The following BABAM2 variants were observed in gnomAD, a reference collection of about 807,000 sequenced individuals.
BABAM2 encodes BRISC and BRCA1-A complex member 2.
BABAM2 carries 31 observed loss-of-function variants against 54.7 expected under a neutral mutation model. That is an observed-to-expected ratio of 0.57 (90% CI 0.43 to 0.77). The LOEUF (loss-of-function observed/expected upper bound fraction) is 0.77, where lower values mean the gene tolerates loss of function less well. Among genes scored for constraint, BABAM2 ranks in the 30% least tolerant of loss-of-function variants. BABAM2 has a pLI of 0.00. For synonymous variants in BABAM2, 167 were observed against 162.9 expected (o/e 1.03, Z -0.19); for missense variants, 364 against 455.8 (o/e 0.80, Z 1.83).
chr2:28,283,848 C>A (rs915181474), intron 10 of BABAM2, among the ~76,000 whole-genome samples: 1 of 152,060 alleles, frequency 6.6e-6, no homozygotes, highest in African/African-American at 2.4e-5. Flanking sequence ...ATGTAAGGTC[C>A]ATTTTATAGA....
At chr2:27,945,085 C>T (rs567709773) in intron 3 of BABAM2, among the ~76,000 whole-genome samples, 1 of 151,910 alleles carries the variant, frequency 6.6e-6, no homozygotes, top group Non-Finnish European at 1.5e-5. Flanking sequence ...TCATAGCAAT[C>T]ATAGCTCACT....
At chr2:28,220,998 C>T (rs1035179710) in intron 7 of BABAM2, among the ~76,000 whole-genome samples, 11 of 152,136 alleles carry the variant, frequency 7.2e-5, no homozygotes, top group Admixed American at 7.2e-4. Context: ...AAGATGATCT[C>T]GTCGATTCCC....
chr2:28,272,786 C>T (rs955941172), intron 10 of BABAM2, among the ~76,000 whole-genome samples: 3 of 152,058 alleles, frequency 2.0e-5, no homozygotes, highest in Admixed American at 6.6e-5. Flanking sequence ...TAGGGACTTC[C>T]GAGGGTTCTG....
At chr2:28,316,030 T>C (rs1183885250) in intron 11 of BABAM2, among the ~76,000 whole-genome samples, 2 of 152,174 alleles carry the variant, frequency 1.3e-5, no homozygotes, top group South Asian at 2.1e-4. Flanking sequence ...AGAGTTAGGA[T>C]TGCCAGATTT....
intron 8 of BABAM2, among the ~76,000 whole-genome samples, chr2:28,240,109 CTT>C (rs545871952): frequency 2.8e-5 from 4 of 142,880 alleles, no homozygotes; most frequent in African/African-American, 2.6e-5. Context: ...TTTCTTTTTT[CTT>C]TTTTTTTTTT....
chr2:28,302,746 A>G (rs1173837832), intron 11 of BABAM2, among the ~76,000 whole-genome samples: 2 of 152,120 alleles, frequency 1.3e-5, no homozygotes, highest in Non-Finnish European at 2.9e-5. Flanking sequence ...AACACATCCT[A>G]TTGTCAGTCT....
At chr2:27,933,743 G>A (rs914766396) in intron 3 of BABAM2, among the ~76,000 whole-genome samples, 2 of 149,738 alleles carry the variant, frequency 1.3e-5, no homozygotes, top group African/African-American at 2.5e-5. Context: ...GATTACAGGC[G>A]TGAGCCACTA....
intron 3 of BABAM2, among the ~76,000 whole-genome samples, chr2:27,938,451 G>C (rs2148373675): frequency 6.6e-6 from 1 of 151,998 alleles, no homozygotes; most frequent in African/African-American, 2.4e-5. Context: ...GAATGCAGTG[G>C]CACGGTCTCG....
At chr2:28,158,635 C>T (rs141874849) in intron 7 of BABAM2, among the ~76,000 whole-genome samples, 1 of 152,346 alleles carries the variant, frequency 6.6e-6, no homozygotes, top group East Asian at 1.9e-4. Context: ...TGCTGTTTGT[C>T]TCTTTCATTG....
chr2:28,223,024 T>C (rs1292915855), intron 7 of BABAM2, among the ~76,000 whole-genome samples: 1 of 152,228 alleles, frequency 6.6e-6, no homozygotes, highest in Non-Finnish European at 1.5e-5. Context: ...GTATTTAAAT[T>C]AGTGGATATT....
intron 1 of BABAM2, among the ~76,000 whole-genome samples, chr2:27,891,841 CACG>C (rs1664877508): frequency 1.3e-5 from 2 of 152,092 alleles, no homozygotes; most frequent in African/African-American, 4.8e-5. Context: ...ATCCTAAAGT[CACG>C]ACCGTTGCTG....
At chr2:27,931,177 A>G (rs1166421354) in intron 3 of BABAM2, among the ~76,000 whole-genome samples, 1 of 152,212 alleles carries the variant, frequency 6.6e-6, no homozygotes, top group Non-Finnish European at 1.5e-5. Context: ...ATATAAAATA[A>G]TTTTACCTGT....
intron 7 of BABAM2, among the ~76,000 whole-genome samples, chr2:28,165,791 C>G (rs1673609659): frequency 6.6e-6 from 1 of 152,058 alleles, no homozygotes; most frequent in South Asian, 2.1e-4. Context: ...CCACCTCAGC[C>G]TCCCATAATG....
intron 6 of BABAM2, among the ~76,000 whole-genome samples, chr2:28,106,567 ATCCATT>A (rs1667544506): frequency 6.6e-6 from 1 of 152,204 alleles, no homozygotes; most frequent in Non-Finnish European, 1.5e-5. Context: ...TCATGATTAG[ATCCATT>A]TATGCATCTG....
chr2:28,251,998 C>T (rs1033232386), intron 10 of BABAM2, among the ~76,000 whole-genome samples: 5 of 151,904 alleles, frequency 3.3e-5, no homozygotes, highest in Non-Finnish European at 7.4e-5. Context: ...CGAGATCAGC[C>T]GAAACATGGT....
At chr2:28,174,510 C>T (rs1399995705) in intron 7 of BABAM2, among the ~76,000 whole-genome samples, 1 of 152,170 alleles carries the variant, frequency 6.6e-6, no homozygotes, top group Non-Finnish European at 1.5e-5. Context: ...GCAGGAAACA[C>T]CCAAGGCAAG....
At chr2:27,904,684 A>G (rs990238224) in intron 2 of BABAM2, among the ~76,000 whole-genome samples, 1 of 152,236 alleles carries the variant, frequency 6.6e-6, no homozygotes, top group Admixed American at 6.5e-5. Context: ...TAATATCCTT[A>G]TAAAAATAAG....
chr2:27,934,201 T>C (rs1167740888), intron 3 of BABAM2, among the ~76,000 whole-genome samples: 1 of 152,194 alleles, frequency 6.6e-6, no homozygotes, highest in East Asian at 1.9e-4. Flanking sequence ...CATTTCAAAC[T>C]TTTTAATTAT....
At chr2:27,942,145 A>G (rs1233680230) in intron 3 of BABAM2, among the ~76,000 whole-genome samples, 1 of 152,162 alleles carries the variant, frequency 6.6e-6, no homozygotes, top group Non-Finnish European at 1.5e-5. Context: ...GCTGCTCATT[A>G]CTTATGTAGC....
Sources: allele counts gnomAD v4.1 joint callset (sites outside exome capture counted in the v4.1 genomes callset), GRCh38; gene constraint gnomAD v4.1.1; transcripts MANE v1.5; gene names NCBI Gene and HGNC (gene_info 2026-07-23, HGNC 2026-07-21).